ADGRL2: variants seen among roughly 807,000 people sequenced by gnomAD.
ADGRL2 encodes calcium-independent alpha-latrotoxin receptor 2.
A neutral mutation model predicts 157.4 loss-of-function variants in ADGRL2; 44 were observed. The observed-to-expected ratio is 0.28, with a 90% CI of 0.22 to 0.36. The LOEUF (loss-of-function observed/expected upper bound fraction) is 0.36, where lower values mean the gene tolerates loss of function less well. ADGRL2 is among the 10% of genes least tolerant of loss of function. ADGRL2 has a pLI of 1.00. For missense variants in ADGRL2, 1,510 were observed against 1,768.9 expected (o/e 0.85, Z 2.63); for synonymous variants, 585 against 624.7 (o/e 0.94, Z 0.95).
At chr1:81,431,647 A>G (rs1192013445) in intron 1 of ADGRL2, among the ~76,000 whole-genome samples, 1 of 152,216 alleles carries the variant, frequency 6.6e-6, no homozygotes. Flanking sequence ...TTATTTGGTG[A>G]TTTTCAATTT....
intron 2 of ADGRL2, among the ~76,000 whole-genome samples, chr1:81,560,817 A>G (rs2080423490): frequency 6.6e-6 from 1 of 152,000 alleles, no homozygotes; most frequent in Non-Finnish European, 1.5e-5. Context: ...CAAGTCCCTA[A>G]ATGGTCTATC....
At chr1:81,922,704 C>T (rs1050153956) in intron 3 of ADGRL2, among the ~76,000 whole-genome samples, 1 of 151,874 alleles carries the variant, frequency 6.6e-6, no homozygotes, top group Non-Finnish European at 1.5e-5. Flanking sequence ...TTTTTTAAAA[C>T]CAGCATCACA....
chr1:81,911,056 T>G (rs2094709360), intron 3 of ADGRL2, among the ~76,000 whole-genome samples: 1 of 152,100 alleles, frequency 6.6e-6, no homozygotes, highest in African/African-American at 2.4e-5. Context: ...CTTCAGCAGT[T>G]GAGAATCAAG....
chr1:81,541,075 C>T (rs1460311169), intron 2 of ADGRL2, among the ~76,000 whole-genome samples: 2 of 152,110 alleles, frequency 1.3e-5, no homozygotes, highest in Non-Finnish European at 2.9e-5. Flanking sequence ...CCTCTAGGAA[C>T]TTATAATTTA....
chr1:81,348,260 C>A (rs1273450566), intron 1 of ADGRL2, among the ~76,000 whole-genome samples: 24 of 152,150 alleles, frequency 1.6e-4, no homozygotes, highest in Admixed American at 1.4e-3. Flanking sequence ...ATGCACCTCC[C>A]CAACAGACAC....
rs568333612 is a variant in ADGRL2, at chr1:81,829,407, A to T, written c.-100-7478A>T. ...TTTGTTTTGAGTTTTACTTGTAGAC[A>T]CAGATATAAATGGTATGGAACATTT... is the stretch of plus-strand genomic sequence containing the variant. On this transcript the variant is annotated intron_variant, in intron 1 of 23. Coordinates refer to ENST00000686636, the MANE Select transcript of ADGRL2 (RefSeq NM_001366006.2). 3.4e-4 allele frequency among the ~76,000 whole-genome samples: 52 copies of T among 152,332 alleles called. 1 individual carries two copies. The highest frequency in any genetic ancestry group is 1.0e-3 in the African/African-American group (43 of 41,576).
intron 1 of ADGRL2, among the ~76,000 whole-genome samples, chr1:81,345,720 AG>A (rs1662434237): frequency 6.6e-6 from 1 of 152,180 alleles, no homozygotes; most frequent in Non-Finnish European, 1.5e-5. Context: ...AGAGAAAAAG[AG>A]AGAAAGAGAA....
chr1:81,547,948 TTA>T (rs2080058087), intron 2 of ADGRL2, among the ~76,000 whole-genome samples: 1 of 152,218 alleles, frequency 6.6e-6, no homozygotes, highest in Non-Finnish European at 1.5e-5. Flanking sequence ...CAATGTTATT[TTA>T]TGTTTTACTT....
intron 1 of ADGRL2, among the ~76,000 whole-genome samples, chr1:81,423,167 G>C (rs929296276): frequency 6.6e-6 from 1 of 152,178 alleles, no homozygotes; most frequent in Non-Finnish European, 1.5e-5. Context: ...TGAACTGCAG[G>C]ACGCAGTTTT....
At chr1:81,420,331 T>A (rs1481906855) in intron 1 of ADGRL2, among the ~76,000 whole-genome samples, 6 of 152,220 alleles carry the variant, frequency 3.9e-5, no homozygotes, top group African/African-American at 1.4e-4. Flanking sequence ...TTGTTTTTGT[T>A]TTAAGTAGTT....
At chr1:81,629,468 A>G (rs1279244434) in intron 3 of ADGRL2, among the ~76,000 whole-genome samples, 1 of 152,194 alleles carries the variant, frequency 6.6e-6, no homozygotes, top group Non-Finnish European at 1.5e-5. Flanking sequence ...TTACAAAAAA[A>G]AATGAATAGA....
intron 3 of ADGRL2, among the ~76,000 whole-genome samples, chr1:81,921,366 C>A (rs955822355): frequency 1.3e-5 from 2 of 152,028 alleles, no homozygotes; most frequent in Non-Finnish European, 2.9e-5. Flanking sequence ...TTCTGCAAAA[C>A]GTGTAAAAAA....
At chr1:81,398,243 T>G (rs1438213690) in intron 1 of ADGRL2, among the ~76,000 whole-genome samples, 1 of 147,220 alleles carries the variant, frequency 6.8e-6, no homozygotes, top group Non-Finnish European at 1.5e-5. Context: ...CTGAGTCATG[T>G]TTTTTTTTAC....
chr1:81,698,469 C>T (rs2083489875), upstream of ADGRL2, among the ~76,000 whole-genome samples: 1 of 152,134 alleles, frequency 6.6e-6, no homozygotes, highest in Non-Finnish European at 1.5e-5. Context: ...ATTTATTGAA[C>T]TCATTACATG....
At chr1:81,927,707 T>C (rs1262321043) in intron 3 of ADGRL2, among the ~76,000 whole-genome samples, 2 of 151,984 alleles carry the variant, frequency 1.3e-5, no homozygotes, top group African/African-American at 4.8e-5. Flanking sequence ...ATTAAATAAA[T>C]AATGAGCAAT....
At chr1:81,556,785 G>A (rs12743762) in intron 2 of ADGRL2, among the ~76,000 whole-genome samples, 2 of 151,872 alleles carry the variant, frequency 1.3e-5, no homozygotes, top group East Asian at 3.9e-4. Context: ...AAGTCTACAA[G>A]AAGGGATGTA....
At chr1:81,506,042 A>C in intron 2 of ADGRL2, 1 of 173,002 alleles carries the variant, frequency 5.8e-6, no homozygotes, top group Non-Finnish European at 1.2e-5. Context: ...GCAAAATTAC[A>C]GGAAATGCAG....
intron 1 of ADGRL2, among the ~76,000 whole-genome samples, chr1:81,443,512 A>T (rs918615804): frequency 1.3e-5 from 2 of 152,044 alleles, no homozygotes; most frequent in Admixed American, 1.3e-4. Context: ...TTCCTATTTT[A>T]AGTCAGAGAC....
At chr1:81,797,604 T>TGA (rs2149441453), upstream of ADGRL2, among the ~76,000 whole-genome samples, 1 of 152,300 alleles carries the variant, frequency 6.6e-6, no homozygotes, top group African/African-American at 2.4e-5. Flanking sequence ...TTTCATACTA[T>TGA]TTCAGATTCT....
Sources: gnomAD v4.1 joint callset for allele counts (sites outside exome capture counted in the v4.1 genomes callset) on GRCh38, gnomAD v4.1.1 for gene constraint, MANE v1.5 for transcripts, NCBI Gene and HGNC (gene_info 2026-07-23, HGNC 2026-07-21) for gene names.